NEXMIF: variants seen among roughly 807,000 people sequenced by gnomAD.
NEXMIF encodes the protein neurite extension and migration factor.
Under a neutral mutation model 62.1 loss-of-function variants are expected in NEXMIF, and 8 were observed. That is an observed-to-expected ratio of 0.13 (90% CI 0.08 to 0.23). The LOEUF (loss-of-function observed/expected upper bound fraction) is 0.23, where lower values mean the gene tolerates loss of function less well. Among genes scored for constraint, NEXMIF ranks in the 10% least tolerant of loss-of-function variants. The pLI, the probability that NEXMIF is intolerant of heterozygous loss-of-function variation, is 1.00. For missense variants in NEXMIF, 976 were observed against 1,113.3 expected (o/e 0.88, Z 1.75); for synonymous variants, 404 against 416.6 (o/e 0.97, Z 0.37).
At chrX:74,770,577 C>A (rs1246016684) in intron 1 of NEXMIF, among the ~76,000 whole-genome samples, 1 of 112,055 alleles carries the variant, frequency 8.9e-6, no homozygotes, top group African/African-American at 3.2e-5. Flanking sequence ...TTTGCAAAGT[C>A]AGTATTGCAT....
chrX:74,858,372 CTCTG>C (rs965652242), intron 1 of NEXMIF, among the ~76,000 whole-genome samples: 7 of 112,072 alleles, frequency 6.2e-5, no homozygotes, highest in African/African-American at 2.3e-4. Context: ...ACAAGAGTCT[CTCTG>C]TCTGGTAATG....
intron 1 of NEXMIF, among the ~76,000 whole-genome samples, chrX:74,796,936 A>T (rs950323599): frequency 2.7e-5 from 3 of 112,070 alleles, no homozygotes; most frequent in Admixed American, 9.5e-5. Flanking sequence ...CACTGCAAAA[A>T]CATGGCAAAC....
rs2080204925 is a variant in NEXMIF at position 74,769,917 on chromosome X, G to A, written c.-47-24220C>T. 4 of 251,583 alleles carry A rather than the reference G, an allele frequency of 1.6e-5. No individual in the cohort carries two copies. The East Asian group carries it at 2.4e-4, about 15-fold the overall frequency. 20.7% of individuals were successfully genotyped at this position (251,583 alleles called of 1,213,427 possible). ...ATATCCCCTGTTGTTATATACACAG[G>A]TAATATAAATACACACACAGGGGTT... is the stretch of plus-strand genomic sequence containing the variant. On this transcript the variant is annotated intron_variant, in intron 1 of 3. Transcript: ENST00000055682.
rs759854864 is a variant in NEXMIF at position 74,793,564 on chromosome X, A to G, written c.-47-47867T>C. 4.0e-3 allele frequency among the ~76,000 whole-genome samples: 448 copies of G among 111,502 alleles called. 2 individuals carry two copies. The highest frequency in any genetic ancestry group is 0.013 in the African/African-American group (399 of 30,695). ...GAAGTTCTCCTGGAGAATATCCTGCAGAGTGTTTTCCAACTTGGTTCCATT... is the reference window on the plus strand; with the variant it reads ...GAAGTTCTCCTGGAGAATATCCTGCGGAGTGTTTTCCAACTTGGTTCCATT... On this transcript the variant is annotated intron_variant, in intron 1 of 3. Transcript: ENST00000055682.
intron 1 of NEXMIF, among the ~76,000 whole-genome samples, chrX:74,764,283 T>C (rs2080187759): frequency 8.9e-6 from 1 of 112,092 alleles, no homozygotes; most frequent in African/African-American, 3.2e-5. Flanking sequence ...TTGATTTGGA[T>C]ATGTTGAACC....
At chrX:74,778,932 C>A (rs746082140) in intron 1 of NEXMIF, among the ~76,000 whole-genome samples, 9 of 111,909 alleles carry the variant, frequency 8.0e-5, no homozygotes, top group African/African-American at 2.6e-4. Context: ...CGGCTGATCT[C>A]ATCATCTTTT....
intron 1 of NEXMIF, among the ~76,000 whole-genome samples, chrX:74,848,418 C>A (rs1336374671): frequency 8.9e-6 from 1 of 112,253 alleles, no homozygotes; most frequent in African/African-American, 3.2e-5. Flanking sequence ...TGGCATAAAA[C>A]AACAGTAATT....
intron 1 of NEXMIF, among the ~76,000 whole-genome samples, chrX:74,804,740 T>G (rs2080339828): frequency 1.8e-5 from 2 of 111,608 alleles, no homozygotes; most frequent in Non-Finnish European, 3.8e-5. Context: ...TGCAAGCAGT[T>G]CCTTAACCAC....
At chrX:74,776,212 A>G (rs986407764) in intron 1 of NEXMIF, among the ~76,000 whole-genome samples, 18 of 111,767 alleles carry the variant, frequency 1.6e-4, no homozygotes, top group Admixed American at 1.5e-3. Context: ...TGTGTCTGAT[A>G]TGCATGAACA....
intron 1 of NEXMIF, among the ~76,000 whole-genome samples, chrX:74,865,608 T>C (rs891745547): frequency 7.2e-5 from 8 of 111,836 alleles, no homozygotes; most frequent in African/African-American, 2.6e-4. Context: ...GTCAGAGACC[T>C]TCATGGCAGA....
At chrX:74,867,331 A>C (rs1449818561) in intron 1 of NEXMIF, among the ~76,000 whole-genome samples, 2 of 111,997 alleles carry the variant, frequency 1.8e-5, no homozygotes, top group African/African-American at 6.5e-5. Flanking sequence ...TGACAATCCT[A>C]AGCAAAAAGA....
intron 1 of NEXMIF, among the ~76,000 whole-genome samples, chrX:74,882,231 AT>A (rs2080667620): frequency 8.9e-6 from 1 of 111,991 alleles, no homozygotes; most frequent in African/African-American, 3.2e-5. Context: ...GACGCAGAAG[AT>A]GGGTGATTTC....
At chrX:74,793,154 C>T (rs1411065303) in intron 1 of NEXMIF, among the ~76,000 whole-genome samples, 1 of 110,799 alleles carries the variant, frequency 9.0e-6, no homozygotes, top group Non-Finnish European at 1.9e-5. Flanking sequence ...TTCAGGAGCT[C>T]TTTTAGGGCA....
intron 1 of NEXMIF, among the ~76,000 whole-genome samples, chrX:74,868,144 T>C (rs779021105): frequency 9.8e-5 from 11 of 112,171 alleles, no homozygotes; most frequent in Non-Finnish European, 1.5e-4. Flanking sequence ...GGTGAGGCTG[T>C]GCAGAAATAG....
chrX:74,800,734 G>A (rs1479143924), intron 1 of NEXMIF, among the ~76,000 whole-genome samples: 5 of 110,860 alleles, frequency 4.5e-5, no homozygotes, highest in Non-Finnish European at 9.4e-5. Flanking sequence ...CCATACAATA[G>A]AATTTATTTA....
chrX:74,853,854 A>C (rs1302214230), intron 1 of NEXMIF, among the ~76,000 whole-genome samples: 1 of 111,336 alleles, frequency 9.0e-6, no homozygotes, highest in Non-Finnish European at 1.9e-5. Context: ...AAATTCCTGG[A>C]CCCATACAAC....
At chrX:74,903,537 C>A (rs1229658863) in intron 1 of NEXMIF, among the ~76,000 whole-genome samples, 5 of 111,311 alleles carry the variant, frequency 4.5e-5, no homozygotes, top group Admixed American at 9.6e-5. Flanking sequence ...TTGGCCAATG[C>A]AAAGAGAATC....
At chrX:74,871,744 C>T (rs1014197591) in intron 1 of NEXMIF, among the ~76,000 whole-genome samples, 4 of 111,568 alleles carry the variant, frequency 3.6e-5, no homozygotes, top group Non-Finnish European at 3.8e-5. Flanking sequence ...CTATTCTGCT[C>T]GACCCCACAG....
At chrX:74,811,344 G>A (rs1462181396) in intron 1 of NEXMIF, among the ~76,000 whole-genome samples, 1 of 110,560 alleles carries the variant, frequency 9.0e-6, no homozygotes, top group African/African-American at 3.3e-5. Flanking sequence ...CTTTCCTTCC[G>A]CATTCCATCT....
Sources: allele counts gnomAD v4.1 joint callset (sites outside exome capture counted in the v4.1 genomes callset), GRCh38; gene constraint gnomAD v4.1.1; transcripts MANE v1.5; gene names NCBI Gene and HGNC (gene_info 2026-07-23, HGNC 2026-07-21).